DSCAML1: variants seen among roughly 807,000 people sequenced by gnomAD.
DSCAML1 encodes cell adhesion molecule DSCAML1.
A neutral mutation model predicts 200.5 loss-of-function variants in DSCAML1; 38 were observed. The observed-to-expected ratio is 0.19, with a 90% CI of 0.15 to 0.25. The LOEUF is 0.25. Among genes scored for constraint, DSCAML1 ranks in the 10% least tolerant of loss-of-function variants. DSCAML1 has a pLI of 1.00. For synonymous variants in DSCAML1, 1,215 were observed against 1,165.0 expected (o/e 1.04, Z -0.87); for missense variants, 2,223 against 2,858.8 (o/e 0.78, Z 5.07).
rs1419343932 is a variant in DSCAML1, at chr11:117,504,431, G to A, written c.2183-410C>T. Among the ~76,000 whole-genome samples the A allele has an allele frequency of 1.3e-5, 2 of 152,190 alleles. No individual in the cohort carries two copies. Among genetic ancestry groups the A allele is most frequent in the African/African-American group, 4.8e-5 (2 of 41,454 alleles). On this transcript the variant is annotated intron_variant, in intron 10 of 32. Transcript: ENST00000651296. This position sits in a 1 kb window ranked among gnomAD's most constrained non-coding sequence, Gnocchi z 5.0. ...TGGGAGAGAGGCCAGCATCCTCCAA[G>A]GGGGCCTTGTGGGCACCCCCTGTCC...
chr11:117,516,856 C>T lies in DSCAML1; in HGVS notation c.1511-117G>A, dbSNP rs1035809128. ...TCAGGCACTCGGCCCCTGAGACTTT[C>T]GGGGGCGGACATTTGGTGGGGGCAC... On this transcript the variant is annotated intron_variant, in intron 7 of 32. Transcript: ENST00000651296. The surrounding 1 kb of genome is among the most constrained non-coding windows in gnomAD (Gnocchi z 5.7). The T allele has an allele frequency of 6.4e-5, 82 of 1,289,156 alleles. 2 individuals are homozygous for T. The highest frequency in any genetic ancestry group is 4.8e-4 in the South Asian group (32 of 66,150). 79.9% of individuals were successfully genotyped at this position (1,289,156 alleles called of 1,614,324 possible).
intron 3 of DSCAML1, among the ~76,000 whole-genome samples, chr11:117,579,110 G>C (rs1362409898): frequency 6.6e-6 from 1 of 151,896 alleles, no homozygotes; most frequent in Non-Finnish European, 1.5e-5. Context: ...TAAGTACATT[G>C]CCATGGCCGG....
intron 11 of DSCAML1, among the ~76,000 whole-genome samples, chr11:117,484,930 TGTGTGTGTGTG>T (rs1314197863): frequency 1.5e-5 from 2 of 129,844 alleles, no homozygotes; most frequent in African/African-American, 3.2e-5. Flanking sequence ...TGTGTGTGTG[TGTGTGTGTGTG>T]TAAGTGGGGC....
chr11:117,665,291 G>A (rs559570861), intron 3 of DSCAML1, among the ~76,000 whole-genome samples: 1 of 152,278 alleles, frequency 6.6e-6, no homozygotes, highest in African/African-American at 2.4e-5. Flanking sequence ...GTACGAGCTG[G>A]GCAGTTATAA....
At chr11:117,448,272 C>T (rs1178616539) in intron 20 of DSCAML1, among the ~76,000 whole-genome samples, 6 of 152,174 alleles carry the variant, frequency 3.9e-5, no homozygotes, top group African/African-American at 1.2e-4. Flanking sequence ...AATGACTACC[C>T]TCTCCCACCA....
chr11:117,780,191 G>T lies in DSCAML1; in HGVS notation c.364+302C>A, dbSNP rs547137880. Among the ~76,000 whole-genome samples the T allele has an allele frequency of 9.7e-5, 6 of 61,670 alleles. 1 individual carries two copies. Among genetic ancestry groups the T allele is most frequent in the South Asian group, 6.4e-4 (1 of 1,552 alleles). The allele number at this position is 61,670 out of a possible 152,430, so 40.5% of individuals were successfully genotyped here. A position where few individuals can be genotyped will look rare whatever the true frequency, so the allele number is the denominator to read the frequency against. On this transcript the variant is annotated intron_variant, in intron 2 of 32. Transcript: ENST00000651296. This position sits in a 1 kb window ranked among gnomAD's most constrained non-coding sequence, Gnocchi z 4.8. ...AGAAAGAAAAAAAGAAAAAAAGAAA[G>T]AAAGAAAGAGAAAGAAAGAGAGAGA...
chr11:117,451,826 AAAT>A (rs1565693163), intron 19 of DSCAML1, among the ~76,000 whole-genome samples: 1 of 137,092 alleles, frequency 7.3e-6, no homozygotes, highest in East Asian at 2.2e-4. Context: ...AAAAAAAAAA[AAAT>A]AATAAAGCAC....
intron 29 of DSCAML1, among the ~76,000 whole-genome samples, chr11:117,432,773 ATT>A (rs61065938): frequency 2.1e-3 from 291 of 138,498 alleles, no homozygotes; most frequent in African/African-American, 4.4e-3. Flanking sequence ...ATGCCTGGCT[ATT>A]TTTTTTTTTT....
At chr11:117,633,887 G>A (rs1323325814) in intron 3 of DSCAML1, among the ~76,000 whole-genome samples, 1 of 152,182 alleles carries the variant, frequency 6.6e-6, no homozygotes, top group Non-Finnish European at 1.5e-5. Context: ...GGCAGGGCAG[G>A]CGCTTTGGCA....
intron 3 of DSCAML1, among the ~76,000 whole-genome samples, chr11:117,680,298 C>G (rs2053289425): frequency 6.6e-6 from 1 of 152,208 alleles, no homozygotes; most frequent in South Asian, 2.1e-4. Context: ...TTCCAGCCCC[C>G]AAGCCTGGTG....
intron 3 of DSCAML1, among the ~76,000 whole-genome samples, chr11:117,597,539 C>A (rs1397570533): frequency 2.0e-5 from 3 of 152,220 alleles, no homozygotes; most frequent in Non-Finnish European, 2.9e-5. Flanking sequence ...ACCTCCACCC[C>A]CCAGGTTCAA....
At chr11:117,671,042 T>G (rs1368879384) in intron 3 of DSCAML1, among the ~76,000 whole-genome samples, 1 of 152,134 alleles carries the variant, frequency 6.6e-6, no homozygotes, top group East Asian at 1.9e-4. Context: ...AGAGGCCAAT[T>G]CCCTCTGGCC....
chr11:117,456,859 A>G (rs565948879), intron 19 of DSCAML1, among the ~76,000 whole-genome samples: 17 of 151,806 alleles, frequency 1.1e-4, no homozygotes, highest in African/African-American at 3.4e-4. Flanking sequence ...ATTTTTAGTA[A>G]TGACGGGGTT....
chr11:117,611,046 C>T (rs751830834), intron 3 of DSCAML1: 4 of 152,198 alleles, frequency 2.6e-5, no homozygotes, highest in Admixed American at 6.5e-5. Context: ...GTGCTTCTTC[C>T]CACAATGTGG....
In DSCAML1 at chr11:117,457,824, T is replaced by C. The variant is rs1425287466; in HGVS notation, c.3568+930A>G. 3.3e-5 allele frequency among the ~76,000 whole-genome samples: 5 copies of C among 152,262 alleles called. No individual in the cohort carries two copies. In the South Asian group the frequency reaches 1.0e-3, roughly 32 times the overall value. On this transcript the variant is annotated intron_variant, in intron 19 of 32. Transcript: ENST00000651296. ...CAAATTGTTTGGGTAGGATCTAGAC[T>C]CTGGGTCTCCATATCCCTCGAAAAA... is the stretch of plus-strand genomic sequence containing the variant.
At chr11:117,441,055 T>A (rs1446221677) in intron 21 of DSCAML1, among the ~76,000 whole-genome samples, 2 of 150,602 alleles carry the variant, frequency 1.3e-5, no homozygotes, top group East Asian at 3.9e-4. Flanking sequence ...GTGGCCAGAA[T>A]GCAGGCTGGA....
chr11:117,683,007 G>C (rs2053337889), intron 3 of DSCAML1, among the ~76,000 whole-genome samples: 1 of 152,198 alleles, frequency 6.6e-6, no homozygotes, highest in South Asian at 2.1e-4. Context: ...CCTCCACAGA[G>C]GACTTGCCCC....
intron 3 of DSCAML1, among the ~76,000 whole-genome samples, chr11:117,695,096 C>T (rs2053564391): frequency 6.6e-6 from 1 of 151,892 alleles, no homozygotes; most frequent in South Asian, 2.1e-4. Flanking sequence ...AATAAGTGCT[C>T]AAGGGAGATA....
chr11:117,457,100 CTG>C (rs2048386764), intron 19 of DSCAML1, among the ~76,000 whole-genome samples: 2 of 152,316 alleles, frequency 1.3e-5, no homozygotes, highest in African/African-American at 4.8e-5. Context: ...TATGAGGAAA[CTG>C]GGGTTCAGGA....
Sources: gnomAD v4.1 joint callset for allele counts (sites outside exome capture counted in the v4.1 genomes callset) on GRCh38, gnomAD v4.1.1 for gene constraint, Gnocchi (gnomAD v3.1) non-coding constraint, MANE v1.5 for transcripts, NCBI Gene and HGNC (gene_info 2026-07-23, HGNC 2026-07-21) for gene names.